Variants in COL3A1 observed in about 807,000 individuals in gnomAD.
COL3A1 encodes the protein collagen type III alpha 1 chain.
COL3A1 carries 46 observed loss-of-function variants against 200.9 expected under a neutral mutation model. That is an observed-to-expected ratio of 0.23 (90% CI 0.18 to 0.29). The LOEUF is 0.29. COL3A1 is among the 10% of genes least tolerant of loss of function. The pLI is 1.00. For missense variants in COL3A1, 1,367 were observed against 1,917.6 expected, an observed-to-expected ratio of 0.71 and a Z score of 5.36; for synonymous variants, 650 against 628.0, an observed-to-expected ratio of 1.03 and a Z score of -0.52.
intron 45 of COL3A1, 139 bp downstream of exon 45, chr2:189,007,746 C>A: frequency 8.1e-7 from 1 of 1,234,730 alleles, no homozygotes; most frequent in South Asian, 1.2e-5. Flanking sequence ...AAACAACAAT[C>A]AGCATGACAC....
intron 32 of COL3A1, 67 bp downstream of exon 32, chr2:188,999,962 A>T: frequency 6.7e-7 from 1 of 1,499,780 alleles, no homozygotes; most frequent in Non-Finnish European, 9.1e-7. Flanking sequence ...CTGCACTTCA[A>T]CTTTAATTTT....
rs111683983 is a variant in COL3A1, at chr2:188,995,066, A to C, written c.1476A>C (p.Gly492=). ...AGERGAPGFR[G]PAGPNGIPGE... Reference sequence around the variant, plus strand: ...TTCAGGGTGCCCCTGGGTTCCGAGGACCTGCTGGACCAAATGGCATCCCAG... The same window carrying C: ...TTCAGGGTGCCCCTGGGTTCCGAGGCCCTGCTGGACCAAATGGCATCCCAG... Residue 492 remains glycine, a synonymous_variant, in exon 21 of 51, where the codon GGA becomes GGC. Transcript: ENST00000304636. 130 of 1,614,194 alleles carry C rather than the reference A, an allele frequency of 8.1e-5. 1 individual carries two copies. The Admixed American group carries it at 1.8e-3, about 23-fold the overall frequency.
chr2:188,979,230 G>T (rs918358519), intron 1 of COL3A1, among the ~76,000 whole-genome samples: 1 of 151,904 alleles, frequency 6.6e-6, no homozygotes, highest in African/African-American at 2.4e-5. Flanking sequence ...TTTGTGTGGA[G>T]GATGACAGAG....
At chr2:188,993,733 A>T (rs1431302198) in intron 16 of COL3A1, among the ~76,000 whole-genome samples, 2 of 152,156 alleles carry the variant, frequency 1.3e-5, no homozygotes, top group Non-Finnish European at 2.9e-5. Flanking sequence ...TAGTTTTCTG[A>T]TGCTTTCAAG....
chr2:189,004,744 G>C (rs1688551237), intron 40 of COL3A1, among the ~76,000 whole-genome samples: 1 of 152,046 alleles, frequency 6.6e-6, no homozygotes, highest in African/African-American at 2.4e-5. Context: ...ATCCATTCAA[G>C]TCATCTTGCA....
intron 5 of COL3A1, among the ~76,000 whole-genome samples, chr2:188,987,857 A>G (rs1688095327): frequency 6.6e-6 from 1 of 152,110 alleles, no homozygotes. Context: ...AACATTTTAT[A>G]ACATTTATTA....
chr2:189,003,091 C>T, intron 36 of COL3A1, 29 bp downstream of exon 36: 1 of 1,462,322 alleles, frequency 6.8e-7, no homozygotes, highest in Non-Finnish European at 9.4e-7. Context: ...CTCTGTCTAT[C>T]TATCTATCAT....
In COL3A1 at chr2:188,985,697, C is replaced by G; in HGVS notation, c.366C>G (p.Asp122Glu). The G allele has an allele frequency of 6.2e-7, 1 of 1,610,692 alleles. No homozygotes were observed. Among genetic ancestry groups the G allele is most frequent in the Non-Finnish European group, 8.5e-7 (1 of 1,178,646 alleles). The change falls in exon 4 of 51, where the codon GAC becomes GAG. Residue 122 changes from aspartate (D) to glutamate (E), a missense_variant. Physicochemically the swap from Asp to Glu is conservative, Grantham distance 45. Transcript: ENST00000304636. ...GPPGIPGRNG[D>E]PGIPGQPGSP... is the part of the protein sequence containing the mutation. ...CTGGTATTCCTGGGAGAAATGGTGA[C>G]CCTGGTATTCCAGGACAACCAGGGT...
chr2:189,006,844 T>C lies in COL3A1; in HGVS notation c.3202-93T>C, dbSNP rs563658310. On this transcript the variant is annotated intron_variant, in intron 43 of 50. Transcript: ENST00000304636. Reference sequence around the variant, plus strand: ...AATTGCATGCATACTATAATTCTATTATAATGAAATTATTTACTTTTGAAA... The same window carrying C: ...AATTGCATGCATACTATAATTCTATCATAATGAAATTATTTACTTTTGAAA... 7.9e-6 allele frequency: 10 copies of C among 1,264,766 alleles called. No individual in the cohort carries two copies. In the Admixed American group the frequency reaches 8.6e-5, roughly 11 times the overall value. 78.3% of individuals were successfully genotyped at this position (1,264,766 alleles called of 1,614,324 possible). A position where few individuals can be genotyped will look rare whatever the true frequency, so the allele number is the denominator to read the frequency against.
chr2:188,992,368 C>A, intron 14 of COL3A1, 140 bp downstream of exon 14: 1 of 755,038 alleles, frequency 1.3e-6, no homozygotes, highest in Non-Finnish European at 2.1e-6. Context: ...ATTAGCATCT[C>A]TGTTGACCAT....
At chr2:188,987,552 A>G (rs1688089353) in intron 5 of COL3A1, among the ~76,000 whole-genome samples, 1 of 152,130 alleles carries the variant, frequency 6.6e-6, no homozygotes, top group African/African-American at 2.4e-5. Flanking sequence ...TGATAAATCA[A>G]TTGTCCTATG....
intron 11 of COL3A1, 72 bp downstream of exon 11, chr2:188,991,129 T>A: frequency 6.8e-7 from 1 of 1,480,588 alleles, no homozygotes; most frequent in Non-Finnish European, 9.4e-7. Flanking sequence ...AAGATTCATA[T>A]TGTGAGCCTT....
chr2:188,984,683 A>G, intron 1 of COL3A1, 77 bp from the exon 2 acceptor site: 4 of 1,293,874 alleles, frequency 3.1e-6, no homozygotes, highest in Non-Finnish European at 4.5e-6. Flanking sequence ...GCTATTGTTA[A>G]TAGTCCTAAC....
At chr2:188,991,348 TACTA>T (rs1340477036) in intron 11 of COL3A1, 135 bp from the exon 12 acceptor site, 2 of 656,528 alleles carry the variant, frequency 3.0e-6, no homozygotes, top group East Asian at 5.9e-5. Flanking sequence ...GTAAATAAAA[TACTA>T]ACAGAAAATT....
rs373431524 is a variant in COL3A1, at chr2:189,000,863, A to G, written c.2284-534A>G. Among the ~76,000 whole-genome samples, 21 of 152,294 alleles carry G rather than the reference A, an allele frequency of 1.4e-4. No individual in the cohort carries two copies. The South Asian group carries it at 3.9e-3, about 29-fold the overall frequency. ...TGATTATAATTAAGTCTTTTAATAA[A>G]TTTATATAATAGTTGCCTTAAAGAA... On this transcript the variant is annotated intron_variant, in intron 32 of 50. Coordinates refer to ENST00000304636, the MANE Select transcript of COL3A1 (RefSeq NM_000090.4).
In COL3A1 at chr2:189,002,981, A is replaced by G. The variant is rs1314834286; in HGVS notation, c.2472A>G (p.Lys824=). 1 of 1,551,828 alleles carries G rather than the reference A, an allele frequency of 6.4e-7. No homozygotes were observed. The highest frequency in any genetic ancestry group is 2.0e-5 in the Admixed American group (1 of 51,008). ...APGQNGEPGG[K]GERGAPGEKG... ...GACAGAATGGTGAACCTGGTGGTAA[A>G]GGAGAAAGAGGGGCTCCGGGTGAGA... Residue 824 remains lysine (K), a synonymous_variant, in exon 36 of 51, where the codon AAA becomes AAG. Transcript: ENST00000304636.
chr2:188,983,487 C>A (rs1322525187), intron 1 of COL3A1, among the ~76,000 whole-genome samples: 1 of 151,814 alleles, frequency 6.6e-6, no homozygotes, highest in African/African-American at 2.4e-5. Context: ...CATTTAAACA[C>A]AAACCTAAAT....
chr2:188,998,315 A>C lies in COL3A1; in HGVS notation c.1973A>C (p.Glu658Ala). The C allele has an allele frequency of 1.2e-6, 2 of 1,613,560 alleles. No individual in the cohort carries two copies. Among genetic ancestry groups the C allele is most frequent in the Non-Finnish European group, 1.7e-6 (2 of 1,179,620 alleles). Residue 658 changes from glutamate (E) to alanine (A), a missense_variant, in exon 28 of 51, where the codon GAA becomes GCA. This residue lies in a region of COL3A1 where 846 missense variants were observed against 1,147.9 expected (regional missense o/e 0.74). Coordinates refer to ENST00000304636, the MANE Select transcript of COL3A1 (RefSeq NM_000090.4). ...GPPGENGKPG[E>A]PGPKGDAGAP... ...CCAGGAGAAAATGGAAAACCTGGGGAACCAGTAAGTTACGTTTCATTATTC... is the reference window on the plus strand; with the variant it reads ...CCAGGAGAAAATGGAAAACCTGGGGCACCAGTAAGTTACGTTTCATTATTC...
chr2:188,976,050 C>G (rs900234045), intron 1 of COL3A1, among the ~76,000 whole-genome samples: 1 of 151,890 alleles, frequency 6.6e-6, no homozygotes, highest in African/African-American at 2.4e-5. Context: ...CTCAATCCTT[C>G]TTCCTTTCTC....
Sources: gnomAD v4.1 joint callset for allele counts (sites outside exome capture counted in the v4.1 genomes callset) on GRCh38, gnomAD v4.1.1 for gene constraint, gnomAD v4.1.1 regional missense constraint, MANE v1.5 for transcripts, NCBI Gene and HGNC (gene_info 2026-07-23, HGNC 2026-07-21) for gene names.